Variants in RASGRF1 observed in about 807,000 individuals in gnomAD.
RASGRF1 encodes Ras protein specific guanine nucleotide releasing factor 1, also known as ras-specific guanine nucleotide-releasing factor 1.
A neutral mutation model predicts 138.7 loss-of-function variants in RASGRF1; 40 were observed. That is an observed-to-expected ratio of 0.29 (90% CI 0.22 to 0.38). The LOEUF (loss-of-function observed/expected upper bound fraction) is 0.38. Among genes scored for constraint, RASGRF1 ranks in the 10% least tolerant of loss-of-function variants. RASGRF1 has a pLI of 1.00. For missense variants in RASGRF1, 1,108 were observed against 1,650.4 expected, an observed-to-expected ratio of 0.67 and a Z score of 5.69; for synonymous variants, 614 against 663.2, an observed-to-expected ratio of 0.93 and a Z score of 1.14.
intron 2 of RASGRF1, among the ~76,000 whole-genome samples, chr15:79,060,680 G>A (rs2057591833): frequency 6.6e-6 from 1 of 152,256 alleles, no homozygotes; most frequent in Non-Finnish European, 1.5e-5. Context: ...AGAGCAGACA[G>A]ACACCCTCAG....
intron 3 of RASGRF1, among the ~76,000 whole-genome samples, chr15:79,053,776 T>A (rs145419098): frequency 1.8e-4 from 28 of 152,368 alleles, no homozygotes; most frequent in African/African-American, 6.5e-4. Flanking sequence ...CATGGATGTG[T>A]GGCCTGCGCA....
chr15:79,030,574 C>T (rs1374875665), intron 8 of RASGRF1, among the ~76,000 whole-genome samples: 2 of 152,178 alleles, frequency 1.3e-5, no homozygotes, highest in African/African-American at 4.8e-5. Flanking sequence ...CACCTAAGTT[C>T]AACATGCTCC....
At chr15:79,020,619 G>A (rs2056947362) in intron 10 of RASGRF1, among the ~76,000 whole-genome samples, 1 of 152,222 alleles carries the variant, frequency 6.6e-6, no homozygotes, top group African/African-American at 2.4e-5. Flanking sequence ...AGTGAGTCTG[G>A]AGAGAGCCTC....
At chr15:78,995,591 T>C (rs2056374626) in intron 20 of RASGRF1, 149 bp downstream of exon 20, 3 of 954,700 alleles carry the variant, frequency 3.1e-6, no homozygotes, top group Non-Finnish European at 4.9e-6. Context: ...GCTCAGCCCA[T>C]TCCTGTTGTT....
intron 26 of RASGRF1, among the ~76,000 whole-genome samples, chr15:78,962,486 A>G (rs892416062): frequency 6.6e-6 from 1 of 152,230 alleles, no homozygotes; most frequent in Non-Finnish European, 1.5e-5. Flanking sequence ...AAAAAAGTCA[A>G]TTGTAGAAAC....
Position 79,027,898 on chromosome 15 carries a change from C to T in RASGRF1, c.1263-39G>A, listed in dbSNP as rs761995792. 5 of 1,600,016 alleles carry T rather than the reference C, an allele frequency of 3.1e-6. No homozygotes were observed. The East Asian group carries it at 6.7e-5, about 21-fold the overall frequency. On this transcript the variant is annotated intron_variant, in intron 8 of 26. Transcript: ENST00000558480. This position sits in a 1 kb window ranked among gnomAD's most constrained non-coding sequence, Gnocchi z 4.8. ...AAACTGCACAGTCAGAGACAGGCTGCCCCTACTTCCCAGGGAGGCGAGAAT... is the reference window on the plus strand; with the variant it reads ...AAACTGCACAGTCAGAGACAGGCTGTCCCTACTTCCCAGGGAGGCGAGAAT...
intron 24 of RASGRF1, among the ~76,000 whole-genome samples, chr15:78,979,772 C>T (rs996596216): frequency 3.3e-5 from 5 of 152,238 alleles, no homozygotes; most frequent in African/African-American, 1.2e-4. Context: ...AGGCCACGGC[C>T]ATGTGGCCTT....
At chr15:79,078,954 T>C (rs2057876857) in intron 1 of RASGRF1, among the ~76,000 whole-genome samples, 3 of 151,676 alleles carry the variant, frequency 2.0e-5, no homozygotes, top group Admixed American at 2.0e-4. Flanking sequence ...TCGCTGGGAG[T>C]TGAGAGGAAG....
At chr15:79,035,785 C>T (rs1052214524) in intron 5 of RASGRF1, among the ~76,000 whole-genome samples, 5 of 152,154 alleles carry the variant, frequency 3.3e-5, no homozygotes, top group Non-Finnish European at 7.3e-5. Flanking sequence ...ATGAGGAATC[C>T]CCTGGAAGCA....
rs998030 is a variant in RASGRF1 at position 79,055,010 on chromosome 15, A to G, written c.531+3324T>C. On this transcript the variant is annotated intron_variant, in intron 3 of 26. Coordinates refer to ENST00000558480, the MANE Select transcript of RASGRF1 (RefSeq NM_001145648.3). ...GTAGGGCCATCCAGGCAACACTGTC[A>G]TTCCTGAATATGTACTCTGTTATCA... Among the ~76,000 whole-genome samples, 42 of 152,258 alleles carry G rather than the reference A, an allele frequency of 2.8e-4. No homozygotes were observed. In the East Asian group the frequency reaches 4.4e-3, roughly 16 times the overall value.
intron 1 of RASGRF1, among the ~76,000 whole-genome samples, chr15:79,066,909 C>T (rs2057688142): frequency 6.6e-6 from 1 of 152,188 alleles, no homozygotes. Flanking sequence ...TCCCCACTCC[C>T]TTCCTGTCAC....
At chr15:79,067,133 A>G (rs1283066505) in intron 1 of RASGRF1, among the ~76,000 whole-genome samples, 1 of 152,158 alleles carries the variant, frequency 6.6e-6, no homozygotes, top group Non-Finnish European at 1.5e-5. Context: ...TGAAGTGGCC[A>G]GTTTATGGAG....
chr15:79,039,563 T>C (rs996822098), intron 5 of RASGRF1, among the ~76,000 whole-genome samples: 1 of 152,208 alleles, frequency 6.6e-6, no homozygotes, highest in African/African-American at 2.4e-5. Context: ...TTGATTGGTA[T>C]TACATTAAAT....
At chr15:78,972,292 C>T (rs1000739110) in intron 25 of RASGRF1, among the ~76,000 whole-genome samples, 2 of 151,978 alleles carry the variant, frequency 1.3e-5, no homozygotes, top group Non-Finnish European at 2.9e-5. Flanking sequence ...GATGGGGTTT[C>T]ACCATGTTGA....
At position 79,018,270 on chromosome 15, in the gene RASGRF1, T is replaced by C. The variant is rs370610390; in HGVS notation, c.1607-364A>G. 1.6e-3 allele frequency among the ~76,000 whole-genome samples: 242 copies of C among 152,350 alleles called. 1 individual carries two copies. Among genetic ancestry groups the C allele is most frequent in the African/African-American group, 5.4e-3 (226 of 41,586 alleles). On this transcript the variant is annotated intron_variant, in intron 11 of 26. Transcript: ENST00000558480. Reference sequence around the variant, plus strand: ...AGCCAGGGCAGGGCTAGAATGGGCCTCTCAGCCAGGCCCTCCTGCTACCCC... The same window carrying C: ...AGCCAGGGCAGGGCTAGAATGGGCCCCTCAGCCAGGCCCTCCTGCTACCCC...
At chr15:78,993,693 G>A (rs1193883697) in intron 20 of RASGRF1, among the ~76,000 whole-genome samples, 1 of 152,128 alleles carries the variant, frequency 6.6e-6, no homozygotes, top group Admixed American at 6.5e-5. Flanking sequence ...CTGGTGCCCT[G>A]GGGTTGGGCT....
intron 1 of RASGRF1, among the ~76,000 whole-genome samples, chr15:79,081,673 G>A (rs1193451617): frequency 1.3e-5 from 2 of 152,150 alleles, no homozygotes; most frequent in African/African-American, 4.8e-5. Flanking sequence ...GTGCCAGCAG[G>A]GATCACACTG....
At chr15:79,021,316 T>C (rs1415070138) in intron 10 of RASGRF1, among the ~76,000 whole-genome samples, 2 of 152,218 alleles carry the variant, frequency 1.3e-5, no homozygotes, top group African/African-American at 4.8e-5. Context: ...GACTAATCTA[T>C]ATATGAAAAT....
At chr15:78,988,210 G>A (rs1299986695) in intron 22 of RASGRF1, among the ~76,000 whole-genome samples, 1 of 152,174 alleles carries the variant, frequency 6.6e-6, no homozygotes, top group Non-Finnish European at 1.5e-5. Flanking sequence ...CCACAAAGTG[G>A]GCATGGCAGG....
Sources: gnomAD v4.1 joint callset for allele counts (sites outside exome capture counted in the v4.1 genomes callset) on GRCh38, gnomAD v4.1.1 for gene constraint, Gnocchi (gnomAD v3.1) non-coding constraint, MANE v1.5 for transcripts, NCBI Gene and HGNC (gene_info 2026-07-23, HGNC 2026-07-21) for gene names.